Variants in ARHGEF17 observed in about 807,000 individuals in gnomAD.
The protein encoded by ARHGEF17 is Rho guanine nucleotide exchange factor 17.
ARHGEF17 carries 80 observed loss-of-function variants against 174.0 expected under a neutral mutation model. The ratio of observed to expected loss-of-function variants is 0.46; its 90% confidence interval spans 0.38 to 0.55. The LOEUF (loss-of-function observed/expected upper bound fraction) is 0.55. Ranked by LOEUF, ARHGEF17 falls within the 20% of genes least tolerant of loss-of-function variation. The pLI is 0.00. For missense variants in ARHGEF17, 2,886 were observed against 2,839.7 expected, an observed-to-expected ratio of 1.02 and a Z score of -0.37; for synonymous variants, 1,311 against 1,189.1, an observed-to-expected ratio of 1.10 and a Z score of -2.11.
chr11:73,348,249 C>G (rs1212731552), intron 2 of ARHGEF17, among the ~76,000 whole-genome samples: 1 of 152,190 alleles, frequency 6.6e-6, no homozygotes, highest in Non-Finnish European at 1.5e-5. Flanking sequence ...CTCCACAAAT[C>G]CACGGTGAGC....
chr11:73,308,971 GGAA>G lies in ARHGEF17; in HGVS notation c.338_340del (p.Glu113del). On this transcript the variant is annotated inframe_deletion, in exon 1 of 21. Coordinates refer to ENST00000263674, the MANE Select transcript of ARHGEF17 (RefSeq NM_014786.4). ...ACGGAGGCGTCTTACCCGCGGCCGC[GGAA>G]GAAGCGGCCGAGGGCCCAGCGCGAG... 1 of 1,363,072 alleles carries G rather than the reference GGAA, an allele frequency of 7.3e-7. No homozygotes were observed. The highest frequency in any genetic ancestry group is 9.4e-7 in the Non-Finnish European group (1 of 1,062,994). The allele number at this position is 1,363,072 out of a possible 1,614,324, so 84.4% of individuals were successfully genotyped here.
Position 73,367,731 on chromosome 11 carries a change from C to T in ARHGEF17, c.6143C>T (p.Thr2048Ile). The T allele has an allele frequency of 6.2e-7, 1 of 1,614,062 alleles. No homozygotes were observed. The highest frequency in any genetic ancestry group is 8.5e-7 in the Non-Finnish European group (1 of 1,179,992). Reference sequence around the variant, plus strand: ...AGTGGGGGCGGCAGCAGCAGTGAGACTGTGGGTCGAGACGACAGCACAAAC... The same window carrying T: ...AGTGGGGGCGGCAGCAGCAGTGAGATTGTGGGTCGAGACGACAGCACAAAC... ...LSSGGGSSSE[T>I]VGRDDSTNHL... The change falls in exon 21 of 21, where the codon ACT becomes ATT. Residue 2048 changes from threonine (T) to isoleucine (I), a missense_variant. Transcript: ENST00000263674.
intron 1 of ARHGEF17, among the ~76,000 whole-genome samples, chr11:73,325,280 A>G (rs1230898141): frequency 2.0e-5 from 3 of 151,994 alleles, no homozygotes; most frequent in Non-Finnish European, 4.4e-5. Context: ...GTCCTGTCCC[A>G]TGAGTTGAAC....
At position 73,365,655 on chromosome 11, in the gene ARHGEF17, C is replaced by G; in HGVS notation, c.5726-23C>G. On this transcript the variant is annotated intron_variant, in intron 19 of 20. Transcript: ENST00000263674. This position sits in a 1 kb window ranked among gnomAD's most constrained non-coding sequence, Gnocchi z 4.9. ...AGCCAGGGCCAGAATTCAGCCCCAG[C>G]TGTGGTCTGTCTCCCACCCCAGGCT... The G allele has an allele frequency of 3.1e-6, 5 of 1,609,518 alleles. No homozygotes were observed. The highest frequency in any genetic ancestry group is 4.2e-6 in the Non-Finnish European group (5 of 1,176,546).
intron 1 of ARHGEF17, among the ~76,000 whole-genome samples, chr11:73,323,963 CT>C (rs1865060625): frequency 6.6e-6 from 1 of 151,978 alleles, no homozygotes. Flanking sequence ...CTCTGTCCTT[CT>C]CCCTGTTCTC....
chr11:73,325,694 G>T (rs570136022), intron 1 of ARHGEF17, among the ~76,000 whole-genome samples: 1 of 152,268 alleles, frequency 6.6e-6, no homozygotes, highest in South Asian at 2.1e-4. Context: ...AGTTGGAGTA[G>T]ATTGGGGCAG....
chr11:73,313,212 G>C (rs1260471444), intron 1 of ARHGEF17, among the ~76,000 whole-genome samples: 2 of 152,174 alleles, frequency 1.3e-5, no homozygotes, highest in Non-Finnish European at 2.9e-5. Context: ...AGAGAGAGCA[G>C]GCAGGGAGTG....
intron 2 of ARHGEF17, among the ~76,000 whole-genome samples, chr11:73,352,592 T>C (rs190558983): frequency 6.6e-6 from 1 of 152,332 alleles, no homozygotes; most frequent in East Asian, 1.9e-4. Flanking sequence ...TAAACAAACC[T>C]CTTCCTGAGC....
At position 73,346,619 on chromosome 11, in the gene ARHGEF17, G is replaced by T. The variant is rs116289439; in HGVS notation, c.3193-264G>T. ...AGCCAAGAAGTGGGTGGATGGGGCAGGGGCAGAGGAGTGAGTGCCTAACTG... is the reference window on the plus strand; with the variant it reads ...AGCCAAGAAGTGGGTGGATGGGGCATGGGCAGAGGAGTGAGTGCCTAACTG... On this transcript the variant is annotated intron_variant, in intron 1 of 20. Transcript: ENST00000263674. Among the ~76,000 whole-genome samples the T allele has an allele frequency of 2.9e-3, 442 of 152,330 alleles. 1 individual carries two copies. The highest frequency in any genetic ancestry group is 0.01 in the African/African-American group (427 of 41,562).
At chr11:73,362,300 A>G (rs771033582) in intron 13 of ARHGEF17, 61 bp downstream of exon 13, 144 of 1,458,492 alleles carry the variant, frequency 9.9e-5, no homozygotes, top group Non-Finnish European at 1.3e-4. Context: ...CCCCTGTCCC[A>G]GCACACTCTC....
At chr11:73,354,414 C>T (rs1865602435) in intron 3 of ARHGEF17, among the ~76,000 whole-genome samples, 2 of 152,168 alleles carry the variant, frequency 1.3e-5, no homozygotes, top group African/African-American at 4.8e-5. Context: ...GCACTTGGCA[C>T]CTTAGAGGGA....
Position 73,311,357 on chromosome 11 carries a change from C to A in ARHGEF17, c.2719C>A (p.Pro907Thr). Residue 907 changes from proline to threonine, a missense_variant, in exon 1 of 21, where the codon CCC (proline) becomes ACC (threonine). Physicochemically the swap from Pro to Thr is conservative, Grantham distance 38. Transcript: ENST00000263674. ...ATAHRNFHLD[P>T]KLADILSPRL... ...TGCCCACCGAAACTTTCACCTTGAC[C>A]CCAAGCTGGCTGACATTCTGTCCCC... The A allele has an allele frequency of 6.2e-7, 1 of 1,613,350 alleles. No individual in the cohort carries two copies. Among genetic ancestry groups the A allele is most frequent in the Non-Finnish European group, 8.5e-7 (1 of 1,180,042 alleles).
chr11:73,318,932 G>A (rs1185972661), intron 1 of ARHGEF17, among the ~76,000 whole-genome samples: 2 of 152,204 alleles, frequency 1.3e-5, no homozygotes, highest in Non-Finnish European at 2.9e-5. Flanking sequence ...CGCCTCTGGC[G>A]GCCCTGGAGA....
intron 1 of ARHGEF17, among the ~76,000 whole-genome samples, chr11:73,327,718 G>T (rs1252487855): frequency 6.6e-6 from 1 of 152,176 alleles, no homozygotes; most frequent in Non-Finnish European, 1.5e-5. Flanking sequence ...CAGCCAGACC[G>T]TGGTAAAGGT....
Position 73,309,315 on chromosome 11 carries a change from G to T in ARHGEF17, c.677G>T (p.Gly226Val). ...CATATCTTCTCCCAACCGCAGGCCGGGGCCCGGGCCTCCTGCTCCTCCTCC... is the reference window on the plus strand; with the variant it reads ...CATATCTTCTCCCAACCGCAGGCCGTGGCCCGGGCCTCCTGCTCCTCCTCC... ...SWHIFSQPQA[G>V]ARASCSSSSI... The change falls in exon 1 of 21, where the codon GGG becomes GTG. Residue 226 changes from glycine to valine, a missense_variant. This residue lies in a region of ARHGEF17 where 1,728 missense variants were observed against 1,461.2 expected (regional missense o/e 1.18). Coordinates refer to ENST00000263674, the MANE Select transcript of ARHGEF17 (RefSeq NM_014786.4). 2.5e-6 allele frequency: 4 copies of T among 1,604,602 alleles called. No individual in the cohort carries two copies. The highest frequency in any genetic ancestry group is 2.2e-5 in the East Asian group (1 of 44,774).
At position 73,365,956 on chromosome 11, in the gene ARHGEF17, G is replaced by A. The variant is rs1348094473; in HGVS notation, c.5995+9G>A. 33 of 1,595,484 alleles carry A rather than the reference G, an allele frequency of 2.1e-5. No homozygotes were observed. The highest frequency in any genetic ancestry group is 2.6e-5 in the Non-Finnish European group (30 of 1,175,164). On this transcript the variant is annotated intron_variant, in intron 20 of 20. Transcript: ENST00000263674. This position sits in a 1 kb window ranked among gnomAD's most constrained non-coding sequence, Gnocchi z 4.9. ...ACCTCCCCCAGACACAGGTGGGTCA[G>A]TGCATCATACCCCAAGCTAGGGATC...
rs142968716 is a variant in ARHGEF17, at chr11:73,364,278, CT to C, written c.5401+41del. 2.1e-4 allele frequency: 342 copies of C among 1,610,804 alleles called. 1 individual carries two copies. In the African/African-American group the frequency reaches 4.3e-3, roughly 20 times the overall value. ...CTCCCCCACACCCTGCCCCTGTCCC[CT>C]TACTGGTGTTGGGGCTCTCTCCTGG... On this transcript the variant is annotated intron_variant, in intron 17 of 20. Coordinates refer to ENST00000263674, the MANE Select transcript of ARHGEF17 (RefSeq NM_014786.4).
At chr11:73,336,621 T>G (rs73542448) in intron 1 of ARHGEF17, among the ~76,000 whole-genome samples, 21,035 of 152,266 alleles carry the variant, frequency 0.14, 1,853 homozygotes, top group African/African-American at 0.25. Context: ...ATCTAGCCTG[T>G]GCAGAAATCA....
chr11:73,346,855 T>C, intron 1 of ARHGEF17, 28 bp from the exon 2 acceptor site: 1 of 1,440,500 alleles, frequency 6.9e-7, no homozygotes, highest in Non-Finnish European at 9.2e-7. Flanking sequence ...AAAAGACCCC[T>C]GTTCACCCTC....
Sources: gnomAD v4.1 joint callset for allele counts (sites outside exome capture counted in the v4.1 genomes callset) on GRCh38, gnomAD v4.1.1 for gene constraint, gnomAD v4.1.1 regional missense constraint, Gnocchi (gnomAD v3.1) non-coding constraint, MANE v1.5 for transcripts, NCBI Gene and HGNC (gene_info 2026-07-23, HGNC 2026-07-21) for gene names.